The following FAM120A variants were observed in gnomAD, a reference collection of about 807,000 sequenced individuals.
FAM120A encodes the protein constitutive coactivator of PPAR-gamma-like protein 1.
Under a neutral mutation model 109.7 loss-of-function variants are expected in FAM120A, and 15 were observed. The ratio of observed to expected loss-of-function variants is 0.14; its 90% CI spans 0.09 to 0.21. The LOEUF is 0.21. Ranked by LOEUF, FAM120A falls within the 10% of genes least tolerant of loss-of-function variation. The pLI, the probability that FAM120A is intolerant of heterozygous loss-of-function variation, is 1.00. For synonymous variants in FAM120A, 493 were observed against 572.8 expected, an observed-to-expected ratio of 0.86 and a Z score of 1.99; for missense variants, 899 against 1,439.3, an observed-to-expected ratio of 0.62 and a Z score of 6.07.
rs1041678969 is a variant in FAM120A, at chr9:93,498,255, T to G, written c.934-535T>G. Among the ~76,000 whole-genome samples, 2 of 152,050 alleles carry G rather than the reference T, an allele frequency of 1.3e-5. No homozygotes were observed. Among genetic ancestry groups the G allele is most frequent in the African/African-American group, 4.8e-5 (2 of 41,392 alleles). On this transcript the variant is annotated intron_variant, in intron 4 of 17. Transcript: ENST00000277165. This position sits in a 1 kb window ranked among gnomAD's most constrained non-coding sequence, Gnocchi z 4.4. ...TAAAAATACAAAAATTAGCCAGGCGTGGTGGTGGGCGCCTGTAATGCCAGC... is the reference window on the plus strand; with the variant it reads ...TAAAAATACAAAAATTAGCCAGGCGGGGTGGTGGGCGCCTGTAATGCCAGC...
chr9:93,474,554 C>T (rs1386215742), intron 2 of FAM120A, among the ~76,000 whole-genome samples: 3 of 152,020 alleles, frequency 2.0e-5, no homozygotes, highest in African/African-American at 4.8e-5. Context: ...AATATTATTT[C>T]GAATTGAAGC....
intron 10 of FAM120A, among the ~76,000 whole-genome samples, chr9:93,538,873 T>A (rs547721830): frequency 5.1e-5 from 7 of 137,540 alleles, no homozygotes; most frequent in South Asian, 4.3e-4. Context: ...ATGGAAAACA[T>A]TGAGTTTTTT....
At chr9:93,497,648 C>T (rs367762407) in intron 4 of FAM120A, 49 bp downstream of exon 4, 19 of 1,569,864 alleles carry the variant, frequency 1.2e-5, no homozygotes, top group South Asian at 2.3e-5. Context: ...TGGGATATGA[C>T]GTTGCATAGT....
At chr9:93,543,948 T>C (rs527873854) in intron 11 of FAM120A, among the ~76,000 whole-genome samples, 1 of 152,300 alleles carries the variant, frequency 6.6e-6, no homozygotes, top group South Asian at 2.1e-4. Context: ...TCATAGAGTA[T>C]ATACAAACAC....
chr9:93,470,992 CT>C, intron 1 of FAM120A, 148 bp from the exon 2 acceptor site: 1 of 925,330 alleles, frequency 1.1e-6, no homozygotes, highest in South Asian at 1.7e-5. Context: ...GTGTTGCAAA[CT>C]TTATTATGGC....
chr9:93,562,294 C>T lies in FAM120A; in HGVS notation c.3035C>T (p.Ala1012Val). The T allele has an allele frequency of 6.2e-7, 1 of 1,613,552 alleles. No individual in the cohort carries two copies. Among genetic ancestry groups the T allele is most frequent in the Non-Finnish European group, 8.5e-7 (1 of 1,179,478 alleles). ...RYYGRGYKNQ[A>V]AIQGRPPYAA... ...TATGGCAGAGGTTACAAAAACCAGG[C>T]AGCAATTCAGGTAAGAAGACAACAT... Residue 1012 changes from alanine (A) to valine (V), a missense_variant, in exon 17 of 18, where the codon GCA becomes GTA. Around this residue, in one of 11 missense-constraint regions of FAM120A, gnomAD observed 170 missense variants for 205.0 expected, o/e 0.83. Transcript: ENST00000277165.
rs868696752 is a variant in FAM120A, at chr9:93,523,500, C to T, written c.1419-3655C>T. ...CATGGTACCATTTCTAATATCTTCT[C>T]ATAAAAGTGATTCTGAATTTTATAT... On this transcript the variant is annotated intron_variant, in intron 7 of 17. Transcript: ENST00000277165. 6 of 338,974 alleles carry T rather than the reference C, an allele frequency of 1.8e-5. No individual in the cohort carries two copies. The Middle Eastern group carries it at 2.9e-3, about 165-fold the overall frequency. 21.0% of individuals were successfully genotyped at this position (338,974 alleles called of 1,614,324 possible).
intron 5 of FAM120A, among the ~76,000 whole-genome samples, chr9:93,511,994 G>A (rs1374490134): frequency 6.6e-6 from 1 of 152,236 alleles, no homozygotes; most frequent in African/African-American, 2.4e-5. Context: ...CTTTCGCCAT[G>A]TTGGTCAGGC....
chr9:93,550,552 A>T (rs562565034), intron 11 of FAM120A, 25 bp from the exon 12 acceptor site: 1 of 1,591,722 alleles, frequency 6.3e-7, no homozygotes, highest in Admixed American at 1.7e-5. Flanking sequence ...GTAATCACCA[A>T]CCTTTTGTTT....
Position 93,497,452 on chromosome 9 carries a change from C to A in FAM120A, c.805-19C>A. On this transcript the variant is annotated intron_variant, in intron 3 of 17. Transcript: ENST00000277165. ...GGTTGCTCACCATCCACTGTTGACA[C>A]TTACGTTTGTTTTCTCAGGTCCGGG... The A allele has an allele frequency of 6.2e-7, 1 of 1,611,870 alleles. No homozygotes were observed. Among genetic ancestry groups the A allele is most frequent in the Non-Finnish European group, 8.5e-7 (1 of 1,179,380 alleles).
Position 93,498,650 on chromosome 9 carries a change from A to G in FAM120A, c.934-140A>G. 1.5e-6 allele frequency: 1 copy of G among 680,882 alleles called. No individual in the cohort carries two copies. Among genetic ancestry groups the G allele is most frequent in the Non-Finnish European group, 2.6e-6 (1 of 379,340 alleles). The allele number at this position is 680,882 out of a possible 1,614,324, so 42.2% of individuals were successfully genotyped here. A position where few individuals can be genotyped will look rare whatever the true frequency, so the allele number is the denominator to read the frequency against. ...TGTAGTAATCTATTGATTTTCCCTG[A>G]AAGTTTTAATGTCATTCAAAATTCT... On this transcript the variant is annotated intron_variant, in intron 4 of 17. Coordinates refer to ENST00000277165, the MANE Select transcript of FAM120A (RefSeq NM_014612.5). The surrounding 1 kb of genome is among the most constrained non-coding windows in gnomAD (Gnocchi z 4.4).
At chr9:93,545,951 A>AT (rs1037914379) in intron 11 of FAM120A, among the ~76,000 whole-genome samples, 18 of 151,326 alleles carry the variant, frequency 1.2e-4, no homozygotes, top group African/African-American at 4.1e-4. Context: ...CGCCCGGCTA[A>AT]TTTTTTGTAT....
intron 17 of FAM120A, among the ~76,000 whole-genome samples, chr9:93,563,461 G>A (rs1452141217): frequency 1.3e-5 from 2 of 152,206 alleles, no homozygotes; most frequent in Non-Finnish European, 2.9e-5. Context: ...GTGAAGCCTA[G>A]ACATTTTAAC....
chr9:93,556,291 C>A, intron 12 of FAM120A, 91 bp from the exon 13 acceptor site: 1 of 1,051,272 alleles, frequency 9.5e-7, no homozygotes, highest in Non-Finnish European at 1.4e-6. Context: ...GAGGAATATT[C>A]TGTTAACTTT....
chr9:93,553,240 AG>A (rs2131550478), intron 12 of FAM120A, among the ~76,000 whole-genome samples: 1 of 152,308 alleles, frequency 6.6e-6, no homozygotes, highest in Non-Finnish European at 1.5e-5. Flanking sequence ...GGGTGGGTAA[AG>A]GATGAGAAGG....
chr9:93,557,843 A>T lies in FAM120A; in HGVS notation c.2501A>T (p.Lys834Met), dbSNP rs766654081. The T allele has an allele frequency of 6.2e-7, 1 of 1,613,834 alleles. No homozygotes were observed. The highest frequency in any genetic ancestry group is 2.2e-5 in the East Asian group (1 of 44,878). The change falls in exon 14 of 18, where the codon AAG becomes ATG. Residue 834 changes from lysine to methionine, a missense_variant. By Grantham distance (95) the Lys-to-Met change is moderately conservative. This residue lies in a region of FAM120A where 129 missense variants were observed against 153.4 expected (regional missense o/e 0.84). Transcript: ENST00000277165. Reference sequence around the variant, plus strand: ...GTCTTCCAGGCTGATCAGGCTGCCAAGGTAGAGAAGATGCGCCAGAGCGTC... The same window carrying T: ...GTCTTCCAGGCTGATCAGGCTGCCATGGTAGAGAAGATGCGCCAGAGCGTC... ...LCDGQADQAAKVEKMRQSVLE... is the reference protein window; with the variant it reads ...LCDGQADQAAMVEKMRQSVLE...
chr9:93,528,942 G>A (rs7019001), intron 8 of FAM120A, among the ~76,000 whole-genome samples: 79,372 of 151,862 alleles, frequency 0.52, 21,055 homozygotes, highest in East Asian at 0.59. Context: ...TCCTGTTTGT[G>A]TAGAGATCTT....
chr9:93,476,400 T>G, intron 3 of FAM120A, 62 bp downstream of exon 3: 1 of 1,122,804 alleles, frequency 8.9e-7, no homozygotes, highest in Non-Finnish European at 1.4e-6. Flanking sequence ...TGCTATTACT[T>G]TAATAACATG....
intron 11 of FAM120A, among the ~76,000 whole-genome samples, chr9:93,548,096 T>G (rs1408920068): frequency 6.6e-6 from 1 of 152,008 alleles, no homozygotes; most frequent in Non-Finnish European, 1.5e-5. Flanking sequence ...ACAGTCTTTT[T>G]CTGATTAAAA....
Sources: gnomAD v4.1 joint callset for allele counts (sites outside exome capture counted in the v4.1 genomes callset) on GRCh38, gnomAD v4.1.1 for gene constraint, gnomAD v4.1.1 regional missense constraint, Gnocchi (gnomAD v3.1) non-coding constraint, MANE v1.5 for transcripts, NCBI Gene and HGNC (gene_info 2026-07-23, HGNC 2026-07-21) for gene names.